The following SYTL2 variants were observed in gnomAD, a reference collection of about 807,000 sequenced individuals.
SYTL2 encodes the protein synaptotagmin-like protein 2.
In SYTL2, 165 loss-of-function variants were observed where a neutral mutation model predicts 198.7. That is an observed-to-expected ratio of 0.83 (90% CI 0.73 to 0.94). SYTL2 has a LOEUF of 0.94. SYTL2 is among the 40% of genes least tolerant of loss of function. The pLI, the probability that SYTL2 is intolerant of heterozygous loss-of-function variation, is 0.00. For missense variants in SYTL2, 2,835 were observed against 2,582.8 expected, an observed-to-expected ratio of 1.10 and a Z score of -2.12; for synonymous variants, 966 against 917.7, an observed-to-expected ratio of 1.05 and a Z score of -0.95.
chr11:85,720,137 G>A (rs778110402), intron 9 of SYTL2, among the ~76,000 whole-genome samples: 32 of 152,248 alleles, frequency 2.1e-4, no homozygotes, highest in African/African-American at 6.0e-4. Flanking sequence ...GTGGGGAATC[G>A]TGTACCTAAA....
the SYTL2 span, among the ~76,000 whole-genome samples, chr11:85,840,804 C>A: frequency 6.6e-6 from 1 of 152,038 alleles, no homozygotes; most frequent in Admixed American, 6.6e-5. Flanking sequence ...GACATAGGCA[C>A]AGGCAATGAT....
At chr11:85,768,008 G>A (rs1566004629) in intron 1 of SYTL2, among the ~76,000 whole-genome samples, 1 of 152,130 alleles carries the variant, frequency 6.6e-6, no homozygotes, top group Non-Finnish European at 1.5e-5. Flanking sequence ...CTCCTTAAGA[G>A]CAAGACACCC....
intron 1 of SYTL2, among the ~76,000 whole-genome samples, chr11:85,777,276 A>T (rs2153591985): frequency 6.6e-6 from 1 of 152,316 alleles, no homozygotes; most frequent in South Asian, 2.1e-4. Context: ...GAGGGCTAAC[A>T]TGGGGTTAAG....
intron 9 of SYTL2, 122 bp from the exon 10 acceptor site, chr11:85,718,965 A>C (rs935303045): frequency 1.3e-6 from 2 of 1,540,578 alleles, no homozygotes; most frequent in African/African-American, 2.7e-5. Context: ...TGAGGGGTGC[A>C]ACCAAGATGT....
rs139281924 is a variant in SYTL2, at chr11:85,740,500, A to G, written c.390-2844T>C. Among the ~76,000 whole-genome samples the G allele has an allele frequency of 7.2e-3, 1,099 of 152,328 alleles. 9 individuals carry two copies. Among genetic ancestry groups the G allele is most frequent in the Non-Finnish European group, 0.012 (793 of 68,030 alleles). On this transcript the variant is annotated intron_variant, in intron 4 of 19. Coordinates refer to ENST00000359152, the MANE Select transcript of SYTL2 (RefSeq NM_206927.4). ...TGGCACTATTTGCTATCATGTGGTC[A>G]TATCTTCATAAATCGGTGCATTATT...
chr11:85,828,090 T>C, the SYTL2 span, among the ~76,000 whole-genome samples: 32 of 152,256 alleles, frequency 2.1e-4, no homozygotes, highest in Non-Finnish European at 3.8e-4. Context: ...GATTGTCTTC[T>C]AAAAGTTCCA....
chr11:85,743,666 T>G (rs1249625111), intron 4 of SYTL2, among the ~76,000 whole-genome samples: 1 of 152,156 alleles, frequency 6.6e-6, no homozygotes, highest in East Asian at 1.9e-4. Context: ...TACTATGTTA[T>G]TAGCCTCAAG....
intron 4 of SYTL2, among the ~76,000 whole-genome samples, chr11:85,742,978 G>T (rs1163746109): frequency 6.6e-6 from 1 of 152,200 alleles, no homozygotes; most frequent in Non-Finnish European, 1.5e-5. Flanking sequence ...GCCAATGCTT[G>T]ACTACATGCT....
At chr11:85,802,287 T>A (rs1250891733) in intron 1 of SYTL2, among the ~76,000 whole-genome samples, 3 of 147,150 alleles carry the variant, frequency 2.0e-5, no homozygotes, top group Non-Finnish European at 4.5e-5. Flanking sequence ...AGTGGCATGA[T>A]CTCAGCTCAC....
chr11:85,747,364 A>T (rs1289996494), intron 3 of SYTL2, among the ~76,000 whole-genome samples: 1 of 151,948 alleles, frequency 6.6e-6, no homozygotes, highest in Non-Finnish European at 1.5e-5. Flanking sequence ...CTCCCTGGCC[A>T]CAGAAACCAT....
At position 85,724,935 on chromosome 11, in the gene SYTL2, G is replaced by C. The variant is rs751210054; in HGVS notation, c.4423C>G (p.Leu1475Val). 1.2e-6 allele frequency: 2 copies of C among 1,614,070 alleles called. No individual in the cohort carries two copies. The highest frequency in any genetic ancestry group is 1.7e-6 in the Non-Finnish European group (2 of 1,180,006). Residue 1475 changes from leucine to valine, a missense_variant, in exon 8 of 20, where the codon CTC (leucine) becomes GTC (valine). By Grantham distance (32) the Leu-to-Val change is conservative (BLOSUM62 1). Coordinates refer to ENST00000359152, the MANE Select transcript of SYTL2 (RefSeq NM_206927.4). Reference protein sequence around the residue: ...ASIVAQYGKGLPQEVEEIVRE... With the variant: ...ASIVAQYGKGVPQEVEEIVRE... ...ACAATTTCTTCCACTTCCTGAGGGA[G>C]GCCTTTGCCATATTGAGCAACAATG...
At chr11:85,737,401 C>T (rs1455571377) in intron 5 of SYTL2, among the ~76,000 whole-genome samples, 174 bp downstream of exon 5, 6 of 152,274 alleles carry the variant, frequency 3.9e-5, no homozygotes, top group Admixed American at 3.3e-4. Context: ...CCACTTTTTC[C>T]ACCATGAGAG....
chr11:85,780,462 C>G (rs1234573035), intron 1 of SYTL2, among the ~76,000 whole-genome samples: 1 of 152,188 alleles, frequency 6.6e-6, no homozygotes, highest in Admixed American at 6.5e-5. Context: ...AAGCCCCAGT[C>G]TCTGGGGAGA....
chr11:85,727,826 A>T lies in SYTL2; in HGVS notation c.1532T>A (p.Ile511Lys). The change falls in exon 8 of 20, where the codon ATA (isoleucine) becomes AAA (lysine). Residue 511 changes from isoleucine (I) to lysine (K), a missense_variant. Physicochemically the swap from Ile to Lys is moderately radical, Grantham distance 102. This residue lies in a region of SYTL2 where 2,645 missense variants were observed against 2,381.7 expected (regional missense o/e 1.11). Transcript: ENST00000359152. ...TATGGAATCATCAGTTGACTTCTTT[A>T]TCTCAGTGGCATATGGACCAGAACG... is the stretch of plus-strand genomic sequence containing the variant. ...SSRSGPYATE[I>K]KKSTDDSIFK... 1 of 1,610,456 alleles carries T rather than the reference A, an allele frequency of 6.2e-7. No homozygotes were observed. The highest frequency in any genetic ancestry group is 8.5e-7 in the Non-Finnish European group (1 of 1,178,556).
chr11:85,757,415 G>T (rs1013797844), intron 2 of SYTL2, among the ~76,000 whole-genome samples: 1 of 152,072 alleles, frequency 6.6e-6, no homozygotes, highest in Non-Finnish European at 1.5e-5. Context: ...TTTTAATCAA[G>T]ACCCTATTTC....
intron 1 of SYTL2, among the ~76,000 whole-genome samples, chr11:85,784,773 A>G (rs1464085411): frequency 6.6e-6 from 1 of 152,084 alleles, no homozygotes; most frequent in Non-Finnish European, 1.5e-5. Context: ...ATTCACACAC[A>G]CGCAAAGAAT....
intron 1 of SYTL2, among the ~76,000 whole-genome samples, chr11:85,759,767 CTTCA>C (rs145391643): frequency 0.66 from 100,843 of 151,824 alleles, 33,723 homozygotes; most frequent in Middle Eastern, 0.72. Context: ...TAAGACATTA[CTTCA>C]TTTTCTTTTT....
At chr11:85,794,804 C>T (rs894646103) in intron 1 of SYTL2, among the ~76,000 whole-genome samples, 4 of 152,014 alleles carry the variant, frequency 2.6e-5, no homozygotes, top group Admixed American at 1.3e-4. Flanking sequence ...GAGGTTTATA[C>T]AGAAGTAAAA....
chr11:85,805,327 C>CAAA lies in SYTL2; in HGVS notation c.-390+5624_-390+5626dup, dbSNP rs200930675. ...GCAACACAGTGAGATCCCATCTCTA[C>CAAA]AAAAAAAAAAAAACAAAAAAACTGA... is the stretch of plus-strand genomic sequence containing the variant. On this transcript the variant is annotated intron_variant, in intron 1 of 19. Coordinates refer to ENST00000359152, the MANE Select transcript of SYTL2 (RefSeq NM_206927.4). 9.9e-4 allele frequency among the ~76,000 whole-genome samples: 95 copies of CAAA among 95,942 alleles called. 1 individual carries two copies. The highest frequency in any genetic ancestry group is 3.2e-3 in the African/African-American group (89 of 27,940). The allele number at this position is 95,942 out of a possible 152,430, so 62.9% of individuals were successfully genotyped here. A position where few individuals can be genotyped will look rare whatever the true frequency, so the allele number is the denominator to read the frequency against.
Sources: gnomAD v4.1 joint callset for allele counts (sites outside exome capture counted in the v4.1 genomes callset) on GRCh38, gnomAD v4.1.1 for gene constraint, gnomAD v4.1.1 regional missense constraint, MANE v1.5 for transcripts, NCBI Gene and HGNC (gene_info 2026-07-23, HGNC 2026-07-21) for gene names.